EML6: variants seen among roughly 807,000 people sequenced by gnomAD.
EML6 encodes echinoderm microtubule-associated protein-like 6.
A neutral mutation model predicts 240.1 loss-of-function variants in EML6; 154 were observed. The ratio of observed to expected loss-of-function variants is 0.64; its 90% CI spans 0.56 to 0.73. EML6 has a LOEUF of 0.73. EML6 is among the 30% of genes least tolerant of loss of function. The pLI, the probability that EML6 is intolerant of heterozygous loss-of-function variation, is 0.00. For missense variants in EML6, 2,964 were observed against 2,474.6 expected (o/e 1.20, Z -4.20); for synonymous variants, 1,148 against 899.0 (o/e 1.28, Z -4.95).
intron 39 of EML6, 50 bp from the exon 40 acceptor site, chr2:54,968,078 G>A: frequency 6.5e-7 from 1 of 1,529,710 alleles, no homozygotes; most frequent in Non-Finnish European, 8.9e-7. Context: ...ACTGCAAGGA[G>A]CCTTCGCCGT....
chr2:54,922,762 A>T (rs1379525616), intron 26 of EML6, among the ~76,000 whole-genome samples: 1 of 152,196 alleles, frequency 6.6e-6, no homozygotes, highest in African/African-American at 2.4e-5. Flanking sequence ...TGGATGAACC[A>T]GAAGGACATG....
chr2:54,870,542 A>C (rs1259179247), intron 15 of EML6, among the ~76,000 whole-genome samples: 1 of 152,208 alleles, frequency 6.6e-6, no homozygotes, highest in Non-Finnish European at 1.5e-5. Flanking sequence ...TTAGAGACCT[A>C]CTGTGTTAGC....
Position 54,964,664 on chromosome 2 carries a change from T to G in EML6, c.5424T>G (p.Ile1808Met). The change falls in exon 38 of 42, where the codon ATT becomes ATG. Residue 1808 changes from isoleucine to methionine, a missense_variant. Physicochemically the swap from Ile to Met is conservative, Grantham distance 10 (BLOSUM62 1). Coordinates refer to ENST00000356458, the MANE Select transcript of EML6 (RefSeq NM_001039753.4). The stretch of plus-strand genomic sequence containing the variant: ...CTCAGGGCACAAATCTGAACCGCAT[T>G]GGCTACTGCAAAGATATCCCAAGCT... ...DLTQGTNLNR[I>M]GYCKDIPSFV... 1.3e-6 allele frequency: 2 copies of G among 1,552,366 alleles called. No homozygotes were observed. The highest frequency in any genetic ancestry group is 2.4e-5 in the South Asian group (2 of 84,064).
intron 24 of EML6, among the ~76,000 whole-genome samples, chr2:54,907,293 G>T (rs559439610): frequency 1.3e-5 from 2 of 152,266 alleles, no homozygotes; most frequent in South Asian, 4.1e-4. Flanking sequence ...GGTGACCTGA[G>T]GTGAGGAGTT....
chr2:54,749,081 A>G (rs537704451), intron 2 of EML6, among the ~76,000 whole-genome samples: 5 of 152,342 alleles, frequency 3.3e-5, no homozygotes, highest in African/African-American at 1.2e-4. Context: ...ATAGATGTTG[A>G]CAAATTGCCT....
At chr2:54,900,096 A>G (rs565488000) in intron 22 of EML6, among the ~76,000 whole-genome samples, 16 of 152,334 alleles carry the variant, frequency 1.1e-4, no homozygotes, top group Middle Eastern at 3.4e-3. Flanking sequence ...TCAGCTTTTA[A>G]AGAATGCTAT....
intron 2 of EML6, among the ~76,000 whole-genome samples, chr2:54,805,845 T>G (rs1670442425): frequency 6.6e-6 from 1 of 152,136 alleles, no homozygotes; most frequent in Non-Finnish European, 1.5e-5. Context: ...AAGGGAAGAG[T>G]AAGGTTCACT....
At position 54,956,825 on chromosome 2, in the gene EML6, C is replaced by G. The variant is rs146263211; in HGVS notation, c.4487-965C>G. ...AGGGAGGGGTGACAAGAAATCGGAA[C>G]AAAAACATTCAGAGTAAGTTAAAGG... On this transcript the variant is annotated intron_variant, in intron 32 of 41. Coordinates refer to ENST00000356458, the MANE Select transcript of EML6 (RefSeq NM_001039753.4). Among the ~76,000 whole-genome samples the G allele has an allele frequency of 3.0e-4, 46 of 151,984 alleles. No homozygotes were observed. The East Asian group carries it at 8.3e-3, about 27-fold the overall frequency.
At chr2:54,795,092 C>G (rs1370152640) in intron 2 of EML6, among the ~76,000 whole-genome samples, 1 of 152,114 alleles carries the variant, frequency 6.6e-6, no homozygotes, top group African/African-American at 2.4e-5. Context: ...TTTGCTTTAA[C>G]TTGGTCTTAA....
At chr2:54,745,700 G>A (rs577093328) in intron 2 of EML6, among the ~76,000 whole-genome samples, 1 of 152,270 alleles carries the variant, frequency 6.6e-6, no homozygotes, top group South Asian at 2.1e-4. Flanking sequence ...AGTATTGCTT[G>A]AGCCCAGGAA....
At chr2:54,930,328 C>G (rs1674785676) in intron 28 of EML6, among the ~76,000 whole-genome samples, 1 of 152,216 alleles carries the variant, frequency 6.6e-6, no homozygotes, top group Admixed American at 6.5e-5. Context: ...CTTCTTGTCT[C>G]ATTGCCTCTT....
intron 11 of EML6, among the ~76,000 whole-genome samples, chr2:54,855,503 G>C (rs1033872162): frequency 1.4e-5 from 2 of 140,524 alleles, no homozygotes; most frequent in Non-Finnish European, 3.0e-5. Context: ...TTCAACATGA[G>C]GTTTGAGCAG....
intron 10 of EML6, among the ~76,000 whole-genome samples, chr2:54,850,962 G>T (rs968552622): frequency 1.3e-5 from 2 of 152,220 alleles, no homozygotes; most frequent in African/African-American, 4.8e-5. Context: ...TATATACAGT[G>T]TATGGTCATT....
chr2:54,801,295 A>G (rs1670129098), intron 2 of EML6, among the ~76,000 whole-genome samples: 1 of 151,258 alleles, frequency 6.6e-6, no homozygotes, highest in Non-Finnish European at 1.5e-5. Context: ...AGCCTGGGCT[A>G]CAGAGCGAGA....
intron 2 of EML6, among the ~76,000 whole-genome samples, chr2:54,754,583 G>T (rs917111900): frequency 2.6e-5 from 4 of 152,094 alleles, no homozygotes. Context: ...TACTGGATAT[G>T]AGTACTTTGT....
chr2:54,847,744 A>AGCT, intron 9 of EML6, 121 bp downstream of exon 9: 1 of 866,618 alleles, frequency 1.2e-6, no homozygotes, highest in South Asian at 2.6e-5. Context: ...AAATAGGAAT[A>AGCT]CTATAGATCT....
intron 2 of EML6, among the ~76,000 whole-genome samples, chr2:54,743,647 A>G (rs966012072): frequency 1.3e-5 from 2 of 152,180 alleles, no homozygotes; most frequent in Non-Finnish European, 2.9e-5. Context: ...ATAGTGAAAA[A>G]TGTTAAGCTA....
chr2:54,783,322 A>G (rs562555528), intron 2 of EML6, among the ~76,000 whole-genome samples: 2 of 152,310 alleles, frequency 1.3e-5, no homozygotes, highest in Admixed American at 6.5e-5. Flanking sequence ...TTATATTGCA[A>G]GTAAAAATCA....
chr2:54,943,014 G>A (rs1470692313), intron 28 of EML6, among the ~76,000 whole-genome samples: 2 of 151,976 alleles, frequency 1.3e-5, no homozygotes, highest in South Asian at 2.1e-4. Context: ...GGCACAGATG[G>A]CCACCACCAG....
Sources: gnomAD v4.1 joint callset for allele counts (sites outside exome capture counted in the v4.1 genomes callset) on GRCh38, gnomAD v4.1.1 for gene constraint, MANE v1.5 for transcripts, NCBI Gene and HGNC (gene_info 2026-07-23, HGNC 2026-07-21) for gene names.